COL4A2: variants seen among roughly 807,000 people sequenced by gnomAD.
The protein encoded by COL4A2 is collagen type IV alpha 2 chain, also known as collagen alpha-2(IV) chain.
COL4A2 carries 99 observed loss-of-function variants against 200.2 expected under a neutral mutation model. The ratio of observed to expected loss-of-function variants is 0.49; its 90% CI spans 0.42 to 0.58. The LOEUF (loss-of-function observed/expected upper bound fraction) is 0.58, where lower values mean the gene tolerates loss of function less well. Among genes scored for constraint, COL4A2 ranks in the 20% least tolerant of loss-of-function variants. The pLI is 0.00. For synonymous variants in COL4A2, 897 were observed against 900.6 expected (o/e 1.00, Z 0.07); for missense variants, 1,950 against 2,314.1 (o/e 0.84, Z 3.23).
At chr13:110,447,574 T>A (rs1003458149) in intron 18 of COL4A2, among the ~76,000 whole-genome samples, 1 of 151,974 alleles carries the variant, frequency 6.6e-6, no homozygotes, top group African/African-American at 2.4e-5. Flanking sequence ...AAAAAAAAAA[T>A]GTTTCGAGAA....
intron 32 of COL4A2, 42 bp from the exon 33 acceptor site, chr13:110,484,863 T>C: frequency 6.4e-7 from 1 of 1,564,190 alleles, no homozygotes; most frequent in Non-Finnish European, 8.7e-7. Context: ...TCCTGCGTGG[T>C]CTGGAGCCCC....
At chr13:110,342,925 A>T (rs935474957) in intron 3 of COL4A2, among the ~76,000 whole-genome samples, 1 of 152,156 alleles carries the variant, frequency 6.6e-6, no homozygotes, top group African/African-American at 2.4e-5. Flanking sequence ...GACTAGAAAA[A>T]TCAACTGTCT....
At chr13:110,352,146 C>A (rs1304792778) in intron 3 of COL4A2, among the ~76,000 whole-genome samples, 1 of 152,124 alleles carries the variant, frequency 6.6e-6, no homozygotes, top group African/African-American at 2.4e-5. Flanking sequence ...TGGTGCCCTC[C>A]TAGGCCTGGA....
chr13:110,438,387 G>T (rs9559799), intron 14 of COL4A2, among the ~76,000 whole-genome samples: 1 of 152,092 alleles, frequency 6.6e-6, no homozygotes, highest in Admixed American at 6.5e-5. Flanking sequence ...CCTCGCGGTC[G>T]CTTACCACGT....
intron 4 of COL4A2, among the ~76,000 whole-genome samples, chr13:110,377,711 G>T (rs964370933): frequency 6.6e-6 from 1 of 152,182 alleles, no homozygotes; most frequent in Non-Finnish European, 1.5e-5. Flanking sequence ...TCATTATGTT[G>T]AGCTAACCTT....
intron 47 of COL4A2, among the ~76,000 whole-genome samples, chr13:110,511,069 G>A (rs1049482580): frequency 3.9e-5 from 6 of 151,908 alleles, no homozygotes; most frequent in African/African-American, 1.2e-4. Flanking sequence ...ACTGAACTGA[G>A]ATATTTCTAT....
In COL4A2 at chr13:110,386,041, A is replaced by G. The variant is rs191164389; in HGVS notation, c.180+28489A>G. Among the ~76,000 whole-genome samples the G allele has an allele frequency of 2.5e-3, 368 of 148,910 alleles. 4 individuals carry two copies. Among genetic ancestry groups the G allele is most frequent in the South Asian group, 6.7e-3 (31 of 4,614 alleles). On this transcript the variant is annotated intron_variant, in intron 4 of 47. Coordinates refer to ENST00000360467, the MANE Select transcript of COL4A2 (RefSeq NM_001846.4). ...TGGGCCGTGGTTACAGTGTGTGGAT[A>G]GACCGTGGTTACGTTTTGTGGATAA...
intron 3 of COL4A2, among the ~76,000 whole-genome samples, chr13:110,349,459 G>T (rs1326918891): frequency 6.6e-6 from 1 of 152,182 alleles, no homozygotes; most frequent in Non-Finnish European, 1.5e-5. Flanking sequence ...CAACCAGGAG[G>T]ACCGGATGTC....
chr13:110,449,817 G>A (rs576855740), intron 19 of COL4A2, 28 bp downstream of exon 19: 32 of 1,542,278 alleles, frequency 2.1e-5, no homozygotes, highest in Admixed American at 1.8e-4. Flanking sequence ...TATCAACACC[G>A]GAGACCCAAA....
chr13:110,409,862 A>G (rs376258983), intron 4 of COL4A2, among the ~76,000 whole-genome samples: 2 of 152,242 alleles, frequency 1.3e-5, no homozygotes, highest in South Asian at 4.1e-4. Flanking sequence ...GGAGTGCAGG[A>G]TGTCCAGATA....
Position 110,307,499 on chromosome 13 carries a change from C to A in COL4A2, c.-74C>A, listed in dbSNP as rs1884810482. On this transcript the variant is annotated 5_prime_UTR_variant, in exon 1 of 48. The change creates a premature stop within an existing upstream ORF in the 5' untranslated region. Transcript: ENST00000360467. The surrounding 1 kb of genome is among the most constrained non-coding windows in gnomAD (Gnocchi z 5.0). ...GTGCTTCTGGAAGGGCCAATGCGTT[C>A]GGGCAGCAGCCCCTGAAGCCGAGCC... 4.1e-6 allele frequency: 1 copy of A among 241,446 alleles called. No homozygotes were observed. The allele number at this position is 241,446 out of a possible 1,614,324, so 15.0% of individuals were successfully genotyped here.
At chr13:110,425,688 A>G (rs1208302532) in intron 6 of COL4A2, among the ~76,000 whole-genome samples, 5 of 152,136 alleles carry the variant, frequency 3.3e-5, no homozygotes, top group Admixed American at 6.5e-5. Flanking sequence ...CTGCTTCACA[A>G]ACCTCACACA....
At chr13:110,371,010 A>G (rs1335454775) in intron 4 of COL4A2, among the ~76,000 whole-genome samples, 1 of 152,360 alleles carries the variant, frequency 6.6e-6, no homozygotes, top group East Asian at 1.9e-4. Context: ...GATTAAAAAG[A>G]CTTCTTTAGT....
At chr13:110,346,090 C>G (rs552738593) in intron 3 of COL4A2, among the ~76,000 whole-genome samples, 12 of 152,220 alleles carry the variant, frequency 7.9e-5, no homozygotes, top group African/African-American at 2.9e-4. Flanking sequence ...GGGCCAGGAG[C>G]CAGCAATGAA....
Position 110,462,312 on chromosome 13 carries a change from C to A in COL4A2, c.1704C>A (p.Pro568=). The part of the protein sequence containing the change: ...ERGQPGVPGV[P]GMKGDDGSPG... ...GACAGCCCGGCGTCCCAGGTGTGCC[C>A]GGGATGAAAGGTGACGATGGCAGCC... The change falls in exon 24 of 48, where the codon CCC becomes CCA. Residue 568 remains proline (P), a synonymous_variant. Coordinates refer to ENST00000360467, the MANE Select transcript of COL4A2 (RefSeq NM_001846.4). The A allele has an allele frequency of 6.2e-7, 1 of 1,614,172 alleles. No individual in the cohort carries two copies.
intron 4 of COL4A2, among the ~76,000 whole-genome samples, chr13:110,372,080 A>T (rs1379442433): frequency 8.6e-5 from 13 of 151,992 alleles, no homozygotes; most frequent in Non-Finnish European, 1.9e-4. Context: ...AATTGTCCTT[A>T]CTCTAGTTGG....
chr13:110,399,265 T>C (rs1257714620), intron 4 of COL4A2, among the ~76,000 whole-genome samples: 1 of 152,236 alleles, frequency 6.6e-6, no homozygotes, highest in African/African-American at 2.4e-5. Flanking sequence ...AGATAAAATC[T>C]TGTTCCTCCC....
intron 4 of COL4A2, among the ~76,000 whole-genome samples, chr13:110,376,055 A>G (rs112746372): frequency 0.012 from 1,787 of 152,274 alleles, 16 homozygotes; most frequent in African/African-American, 0.019. Context: ...CACAGTGTCT[A>G]TTTCAGCTGA....
At position 110,493,237 on chromosome 13, in the gene COL4A2, G is replaced by A. The variant is rs776084205; in HGVS notation, c.3589G>A (p.Gly1197Ser). Residue 1197 changes from glycine to serine, a missense_variant, in exon 39 of 48, where the codon GGC becomes AGC. Gly to Ser is a moderately conservative substitution (Grantham distance 56). Around this residue, in one of 2 missense-constraint regions of COL4A2, gnomAD observed 1,385 missense variants for 1,720.5 expected, o/e 0.80. Coordinates refer to ENST00000360467, the MANE Select transcript of COL4A2 (RefSeq NM_001846.4). ...PGFPGLRGIR[G>S]LHGLPGTKGF... ...TTTTCCGGGACTCCGTGGGATCCGC[G>A]GCTTACACGGCTTGCCAGGCACCAA... The A allele has an allele frequency of 4.3e-6, 7 of 1,614,034 alleles. No individual in the cohort carries two copies. Among genetic ancestry groups the A allele is most frequent in the East Asian group, 2.2e-5 (1 of 44,886 alleles).
Sources: gnomAD v4.1 joint callset for allele counts (sites outside exome capture counted in the v4.1 genomes callset) on GRCh38, gnomAD v4.1.1 for gene constraint, gnomAD v4.1.1 regional missense constraint, Gnocchi (gnomAD v3.1) non-coding constraint, MANE v1.5 for transcripts, NCBI Gene and HGNC (gene_info 2026-07-23, HGNC 2026-07-21) for gene names.